FSTL5: variants seen among roughly 807,000 people sequenced by gnomAD.
FSTL5 encodes follistatin like 5.
Under a neutral mutation model 89.1 loss-of-function variants are expected in FSTL5, and 62 were observed. The ratio of observed to expected loss-of-function variants is 0.70; its 90% CI spans 0.57 to 0.86. The LOEUF (loss-of-function observed/expected upper bound fraction) is 0.86. FSTL5 is among the 40% of genes least tolerant of loss of function. FSTL5 has a pLI of 0.00. For missense variants in FSTL5, 1,057 were observed against 1,001.6 expected (o/e 1.06, Z -0.75); for synonymous variants, 383 against 346.2 (o/e 1.11, Z -1.18).
chr4:161,563,652 C>T (rs774423364), intron 8 of FSTL5, among the ~76,000 whole-genome samples: 6 of 151,942 alleles, frequency 3.9e-5, no homozygotes, highest in Non-Finnish European at 8.8e-5. Context: ...ATAATCTAAT[C>T]ACCCCGTAGC....
At chr4:161,556,973 T>C (rs1732416621) in intron 8 of FSTL5, among the ~76,000 whole-genome samples, 1 of 151,244 alleles carries the variant, frequency 6.6e-6, no homozygotes. Context: ...ATAAATATAG[T>C]TTCCTAATTT....
chr4:162,023,901 C>G (rs17459609), intron 3 of FSTL5, among the ~76,000 whole-genome samples: 14,891 of 152,114 alleles, frequency 0.098, 858 homozygotes, highest in Non-Finnish European at 0.13. Context: ...AATGGGTATC[C>G]CACAAAAATG....
At chr4:161,937,830 C>T (rs359498) in intron 3 of FSTL5, among the ~76,000 whole-genome samples, 11,050 of 152,180 alleles carry the variant, frequency 0.073, 1,113 homozygotes, top group African/African-American at 0.23. Flanking sequence ...TATACGTGTG[C>T]TGTACTTTTT....
chr4:161,873,718 A>C (rs1305042181), intron 4 of FSTL5, among the ~76,000 whole-genome samples: 1 of 151,042 alleles, frequency 6.6e-6, no homozygotes, highest in Non-Finnish European at 1.5e-5. Flanking sequence ...AATTATTTTT[A>C]ATTCATTTGC....
At chr4:161,490,527 C>T (rs1246500451) in intron 12 of FSTL5, among the ~76,000 whole-genome samples, 1 of 152,096 alleles carries the variant, frequency 6.6e-6, no homozygotes, top group Non-Finnish European at 1.5e-5. Context: ...CAGTATATCA[C>T]TTAGGAATAA....
chr4:161,595,901 T>C (rs183315377), intron 7 of FSTL5, among the ~76,000 whole-genome samples: 2,295 of 148,638 alleles, frequency 0.015, 72 homozygotes, highest in South Asian at 0.14. Flanking sequence ...CCAATATTAT[T>C]TGCACTTTAA....
intron 3 of FSTL5, among the ~76,000 whole-genome samples, chr4:161,923,928 T>C (rs1242771543): frequency 6.6e-6 from 1 of 151,816 alleles, no homozygotes; most frequent in Non-Finnish European, 1.5e-5. Flanking sequence ...TTAATTCATA[T>C]GCAATCCAAA....
intron 8 of FSTL5, among the ~76,000 whole-genome samples, chr4:161,568,066 G>A (rs746003655): frequency 6.6e-6 from 1 of 151,016 alleles, no homozygotes; most frequent in Non-Finnish European, 1.5e-5. Flanking sequence ...CTCTGTCTCC[G>A]TGTGCTGAAG....
intron 6 of FSTL5, among the ~76,000 whole-genome samples, chr4:161,752,007 C>T (rs1257600397): frequency 6.6e-6 from 1 of 152,032 alleles, no homozygotes; most frequent in Non-Finnish European, 1.5e-5. Context: ...TTATCAATGC[C>T]TTTGTGTTTG....
chr4:162,130,661 C>T (rs1732264619), intron 1 of FSTL5, among the ~76,000 whole-genome samples: 1 of 152,102 alleles, frequency 6.6e-6, no homozygotes. Context: ...CAAACATTTT[C>T]TGAGTGATTA....
intron 15 of FSTL5, among the ~76,000 whole-genome samples, chr4:161,393,813 G>T (rs1429883157): frequency 6.6e-6 from 1 of 152,150 alleles, no homozygotes; most frequent in Admixed American, 6.5e-5. Flanking sequence ...GGAAACCACT[G>T]CTCTCCTATA....
chr4:161,537,926 A>C (rs1253248111), intron 10 of FSTL5, among the ~76,000 whole-genome samples: 1 of 152,186 alleles, frequency 6.6e-6, no homozygotes. Context: ...GACCTGAAAC[A>C]CCATATGTAC....
chr4:161,918,511 A>G (rs1733899782), intron 4 of FSTL5, among the ~76,000 whole-genome samples: 1 of 152,204 alleles, frequency 6.6e-6, no homozygotes, highest in Non-Finnish European at 1.5e-5. Flanking sequence ...TATTTTATAC[A>G]TTTACTTTAT....
intron 11 of FSTL5, among the ~76,000 whole-genome samples, chr4:161,504,478 G>GT (rs80255593): frequency 0.062 from 9,153 of 147,678 alleles, 813 homozygotes; most frequent in African/African-American, 0.19. Context: ...TTTCGTTTTT[G>GT]TTTTTTTTTT....
At chr4:162,078,681 C>T (rs760065334) in intron 2 of FSTL5, among the ~76,000 whole-genome samples, 1 of 151,764 alleles carries the variant, frequency 6.6e-6, no homozygotes, top group Non-Finnish European at 1.5e-5. Context: ...GATCAAAGAA[C>T]CTTTTCATTG....
chr4:161,418,130 A>T (rs549113150), intron 15 of FSTL5, among the ~76,000 whole-genome samples: 7 of 152,208 alleles, frequency 4.6e-5, no homozygotes, highest in Middle Eastern at 3.4e-3. Context: ...CATTAAGTTC[A>T]TTGGTGTGTT....
At chr4:161,971,801 T>C (rs528679796) in intron 3 of FSTL5, among the ~76,000 whole-genome samples, 32 of 152,154 alleles carry the variant, frequency 2.1e-4, no homozygotes, top group Middle Eastern at 3.2e-3. Context: ...AAACAAATAA[T>C]GATTTTATGT....
At chr4:161,496,967 T>C (rs7676140) in intron 12 of FSTL5, among the ~76,000 whole-genome samples, 1,570 of 152,248 alleles carry the variant, frequency 0.01, 31 homozygotes, top group African/African-American at 0.036. Context: ...TTGCATAATA[T>C]TCAACAAATT....
chr4:161,781,801 A>G (rs1246659117), intron 4 of FSTL5, among the ~76,000 whole-genome samples: 1 of 152,172 alleles, frequency 6.6e-6, no homozygotes, highest in East Asian at 1.9e-4. Context: ...TGTACATTCT[A>G]TGGGTTCTGA....
Sources: allele counts gnomAD v4.1 joint callset (sites outside exome capture counted in the v4.1 genomes callset), GRCh38; gene constraint gnomAD v4.1.1; transcripts MANE v1.5; gene names NCBI Gene and HGNC (gene_info 2026-07-23, HGNC 2026-07-21).